Variants in AXDND1 observed in about 807,000 individuals in gnomAD.
AXDND1 encodes the protein axonemal dynein light chain domain-containing protein 1.
Under a neutral mutation model 137.5 loss-of-function variants are expected in AXDND1, and 110 were observed. The observed-to-expected ratio is 0.80, with a 90% CI of 0.69 to 0.94. The LOEUF (loss-of-function observed/expected upper bound fraction) is 0.94. Ranked by LOEUF, AXDND1 falls within the 40% of genes least tolerant of loss-of-function variation. The probability of loss-of-function intolerance (pLI) is 0.00; values close to 1 mark genes in which losing one functional copy is unlikely to be tolerated. For synonymous variants in AXDND1, 414 were observed against 399.7 expected (o/e 1.04, Z -0.43); for missense variants, 1,191 against 1,169.8 (o/e 1.02, Z -0.26).
rs1661275984 is a variant in AXDND1, at chr1:179,455,613, A to C, written c.1798+10409A>C. On this transcript the variant is annotated intron_variant, in intron 16 of 25. Coordinates refer to ENST00000367618, the MANE Select transcript of AXDND1 (RefSeq NM_144696.6). ...CGTCTCAAAAAAAAAAAAAAAAAAAAATTAAAAAAAAAATTTTGGAAGATA... is the reference window on the plus strand; with the variant it reads ...CGTCTCAAAAAAAAAAAAAAAAAAACATTAAAAAAAAAATTTTGGAAGATA... 3 of 150,302 alleles carry C rather than the reference A, an allele frequency of 2.0e-5. No individual in the cohort carries two copies. The South Asian group carries it at 6.2e-4, about 31-fold the overall frequency. The allele number at this position is 150,302 out of a possible 1,614,324, so 9.3% of individuals were successfully genotyped here. A position where few individuals can be genotyped will look rare whatever the true frequency, so the allele number is the denominator to read the frequency against.
At chr1:179,433,785 G>A (rs6677014) in intron 15 of AXDND1, among the ~76,000 whole-genome samples, 116,767 of 152,096 alleles carry the variant, frequency 0.77, 45,129 homozygotes, top group South Asian at 0.83. Context: ...ACTTCCAATT[G>A]TGTGGATGAT....
chr1:179,383,960 A>T (rs546967413), intron 8 of AXDND1, among the ~76,000 whole-genome samples: 2 of 152,002 alleles, frequency 1.3e-5, no homozygotes, highest in African/African-American at 4.8e-5. Flanking sequence ...CCTGACCTCA[A>T]GTGATCTGCC....
intron 15 of AXDND1, among the ~76,000 whole-genome samples, chr1:179,434,180 T>C (rs1394117274): frequency 6.6e-6 from 1 of 152,158 alleles, no homozygotes; most frequent in Non-Finnish European, 1.5e-5. Flanking sequence ...CAACCCCTGC[T>C]TTTTTTGCTT....
intron 25 of AXDND1, among the ~76,000 whole-genome samples, chr1:179,554,017 A>T (rs1673708036): frequency 6.6e-6 from 1 of 150,900 alleles, no homozygotes; most frequent in African/African-American, 2.4e-5. Flanking sequence ...GGTTCAAGCG[A>T]TTCTTCTGCC....
chr1:179,431,420 G>A (rs1438777902), intron 14 of AXDND1, among the ~76,000 whole-genome samples: 2 of 152,214 alleles, frequency 1.3e-5, no homozygotes, highest in Non-Finnish European at 2.9e-5. Flanking sequence ...GGGATTACAG[G>A]CATGAGCCAC....
chr1:179,374,680 A>G (rs944078567), intron 4 of AXDND1, among the ~76,000 whole-genome samples: 2 of 152,152 alleles, frequency 1.3e-5, no homozygotes, highest in Non-Finnish European at 1.5e-5. Flanking sequence ...TTGTAGGGAC[A>G]TGGATGAAGC....
intron 12 of AXDND1, among the ~76,000 whole-genome samples, chr1:179,412,032 G>A (rs1395329882): frequency 6.6e-6 from 1 of 151,968 alleles, no homozygotes; most frequent in Non-Finnish European, 1.5e-5. Context: ...TTAATTTTTT[G>A]TAGAGATGGG....
chr1:179,418,409 A>G (rs867994844), intron 12 of AXDND1, among the ~76,000 whole-genome samples: 13 of 152,348 alleles, frequency 8.5e-5, no homozygotes, highest in African/African-American at 2.4e-4. Flanking sequence ...AGACACGGCA[A>G]CCATCCGATT....
At position 179,546,849 on chromosome 1, in the gene AXDND1, G is replaced by A. The variant is rs1415569976; in HGVS notation, c.3032-7663G>A. 2.6e-5 allele frequency among the ~76,000 whole-genome samples: 4 copies of A among 152,230 alleles called. No homozygotes were observed. In the East Asian group the frequency reaches 5.8e-4, roughly 22 times the overall value. On this transcript the variant is annotated intron_variant, in intron 25 of 25. Coordinates refer to ENST00000367618, the MANE Select transcript of AXDND1 (RefSeq NM_144696.6). ...ACCTACAGCAACTCAGTGCGCGTGG[G>A]CTCCAGGAGATTCTCCCCTGAGAGA...
At chr1:179,551,454 A>G (rs1433430292) in intron 25 of AXDND1, 1 of 1,612,884 alleles carries the variant, frequency 6.2e-7, no homozygotes, top group Non-Finnish European at 8.5e-7. Flanking sequence ...GCAATCATCT[A>G]GAAAACATGT....
At chr1:179,525,468 T>G (rs1339526671) in intron 22 of AXDND1, 21 bp downstream of exon 22, 1 of 1,572,290 alleles carries the variant, frequency 6.4e-7, no homozygotes, top group East Asian at 2.3e-5. Context: ...TTGGTATTTG[T>G]TTTTCCTCCT....
Position 179,509,322 on chromosome 1 carries a change from A to G in AXDND1, c.2415A>G (p.Thr805=), listed in dbSNP as rs1219427984. ...AAGAATGTTATGAATGGATCAACAC[A>G]TGCTCTTGCCTCCTTTCTAATATCA... ...LKKECYEWIN[T]CSCLLSNIKG... is the part of the protein sequence containing the mutation. Residue 805 remains threonine, a synonymous_variant, in exon 21 of 26, where the codon ACA becomes ACG. Transcript: ENST00000367618. 1.2e-6 allele frequency: 2 copies of G among 1,612,130 alleles called. No homozygotes were observed. The highest frequency in any genetic ancestry group is 4.5e-5 in the East Asian group (2 of 44,836).
In AXDND1 at chr1:179,377,383, A is replaced by T. The variant is rs1283094918; in HGVS notation, c.375-1254A>T. On this transcript the variant is annotated intron_variant, in intron 4 of 25. Transcript: ENST00000367618. ...TGCTGAATTAGTCTTTACTATGTAA[A>T]CCAGTAAATACATTTGGAGTTTATA... Among the ~76,000 whole-genome samples the T allele has an allele frequency of 3.9e-5, 6 of 152,156 alleles. No individual in the cohort carries two copies. In the East Asian group the frequency reaches 1.2e-3, roughly 29 times the overall value.
intron 5 of AXDND1, 116 bp downstream of exon 5, chr1:179,378,873 T>C (rs1647752372): frequency 1.2e-6 from 1 of 823,394 alleles, no homozygotes; most frequent in South Asian, 4.8e-5. Flanking sequence ...TATAACAACC[T>C]GCATTGCTCA....
chr1:179,546,570 T>C (rs945388901), intron 25 of AXDND1, among the ~76,000 whole-genome samples: 1 of 152,156 alleles, frequency 6.6e-6, no homozygotes, highest in African/African-American at 2.4e-5. Flanking sequence ...CTAGCCATTC[T>C]GTACTTAGAT....
chr1:179,380,510 C>A (rs77750976), intron 6 of AXDND1, among the ~76,000 whole-genome samples: 2,714 of 152,226 alleles, frequency 0.018, 66 homozygotes, highest in African/African-American at 0.061. Context: ...GGCTTGGCTC[C>A]ACATTGCAGA....
At chr1:179,500,304 A>G (rs1057196568) in intron 20 of AXDND1, among the ~76,000 whole-genome samples, 1 of 151,294 alleles carries the variant, frequency 6.6e-6, no homozygotes, top group African/African-American at 2.4e-5. Flanking sequence ...ATATATGTAT[A>G]TATATATATA....
Position 179,550,368 on chromosome 1 carries a change from A to C in AXDND1, c.3032-4144A>C, listed in dbSNP as rs533188695. ...TCAGGGCATGTGTAGGTTACCTAATATTATTACTGTTCGAAGAAATAAACA... is the reference window on the plus strand; with the variant it reads ...TCAGGGCATGTGTAGGTTACCTAATCTTATTACTGTTCGAAGAAATAAACA... On this transcript the variant is annotated intron_variant, in intron 25 of 25. Coordinates refer to ENST00000367618, the MANE Select transcript of AXDND1 (RefSeq NM_144696.6). Among the ~76,000 whole-genome samples the C allele has an allele frequency of 2.6e-5, 4 of 152,236 alleles. No homozygotes were observed. In the East Asian group the frequency reaches 7.7e-4, roughly 29 times the overall value.
At chr1:179,504,976 A>C (rs559029234) in intron 20 of AXDND1, among the ~76,000 whole-genome samples, 1 of 152,354 alleles carries the variant, frequency 6.6e-6, no homozygotes, top group East Asian at 1.9e-4. Flanking sequence ...TAAGGGGCTT[A>C]GCAGACCATA....
Sources: gnomAD v4.1 joint callset for allele counts (sites outside exome capture counted in the v4.1 genomes callset) on GRCh38, gnomAD v4.1.1 for gene constraint, MANE v1.5 for transcripts, NCBI Gene and HGNC (gene_info 2026-07-23, HGNC 2026-07-21) for gene names.